LDLRAD4: variants seen among roughly 807,000 people sequenced by gnomAD.
LDLRAD4 encodes low-density lipoprotein receptor class A domain-containing protein 4.
In LDLRAD4, 5 loss-of-function variants were observed where a neutral mutation model predicts 17.0. The observed-to-expected ratio is 0.29, with a 90% CI of 0.15 to 0.62. LDLRAD4 has a LOEUF of 0.62. Ranked by LOEUF, LDLRAD4 falls within the 20% of genes least tolerant of loss-of-function variation. The pLI is 0.84. For synonymous variants in LDLRAD4, 168 were observed against 171.8 expected, an observed-to-expected ratio of 0.98 and a Z score of 0.17; for missense variants, 340 against 424.7, an observed-to-expected ratio of 0.80 and a Z score of 1.75.
intron 2 of LDLRAD4, among the ~76,000 whole-genome samples, chr18:13,429,798 C>T (rs547831997): frequency 7.6e-4 from 116 of 152,302 alleles, no homozygotes; most frequent in African/African-American, 2.6e-3. Context: ...CCGCTTCTGC[C>T]GCAGGTCGCG....
chr18:13,482,928 G>T (rs1447449681), intron 3 of LDLRAD4, among the ~76,000 whole-genome samples: 1 of 152,138 alleles, frequency 6.6e-6, no homozygotes, highest in Non-Finnish European at 1.5e-5. Context: ...ATAAATCCTA[G>T]GGAGGGGAGT....
intron 3 of LDLRAD4, among the ~76,000 whole-genome samples, chr18:13,442,506 C>T (rs1368308977): frequency 2.6e-5 from 4 of 152,156 alleles, no homozygotes; most frequent in Non-Finnish European, 5.9e-5. Flanking sequence ...GGCTGGGGCC[C>T]GCGTGGGGCA....
At chr18:13,393,474 T>C (rs1172351634) in intron 2 of LDLRAD4, among the ~76,000 whole-genome samples, 1 of 151,862 alleles carries the variant, frequency 6.6e-6, no homozygotes, top group African/African-American at 2.4e-5. Context: ...ACAAATGTTT[T>C]GGGGGTCGCC....
At chr18:13,266,886 C>A (rs1338270327) in intron 1 of LDLRAD4, among the ~76,000 whole-genome samples, 1 of 152,192 alleles carries the variant, frequency 6.6e-6, no homozygotes, top group Non-Finnish European at 1.5e-5. Flanking sequence ...AAGAGTAATA[C>A]TAAGAGTTAC....
At chr18:13,590,221 G>C (rs1225992548) in intron 3 of LDLRAD4, among the ~76,000 whole-genome samples, 1 of 151,672 alleles carries the variant, frequency 6.6e-6, no homozygotes, top group East Asian at 1.9e-4. Flanking sequence ...ATGGGAGGGT[G>C]TGTGGGTATA....
At chr18:13,254,283 C>T (rs983884084) in intron 1 of LDLRAD4, among the ~76,000 whole-genome samples, 3 of 152,154 alleles carry the variant, frequency 2.0e-5, no homozygotes, top group Admixed American at 6.5e-5. Flanking sequence ...AGTGAGGGGC[C>T]CCAGGTGGAC....
chr18:13,558,558 A>T (rs2094507623), intron 3 of LDLRAD4, among the ~76,000 whole-genome samples: 1 of 152,254 alleles, frequency 6.6e-6, no homozygotes, highest in African/African-American at 2.4e-5. Context: ...ACTTGCTGGG[A>T]TATGGGTAGC....
chr18:13,507,082 A>G (rs1013483196), intron 3 of LDLRAD4, among the ~76,000 whole-genome samples: 4 of 152,212 alleles, frequency 2.6e-5, no homozygotes, highest in Non-Finnish European at 4.4e-5. Flanking sequence ...CATTTTGGCA[A>G]TTCTTGTGAT....
intron 1 of LDLRAD4, among the ~76,000 whole-genome samples, chr18:13,370,480 G>C (rs2084378651): frequency 6.6e-6 from 1 of 152,102 alleles, no homozygotes; most frequent in African/African-American, 2.4e-5. Context: ...ATTGATTTGA[G>C]CTGACTGTGT....
chr18:13,435,860 GACA>G (rs1428119816), intron 2 of LDLRAD4, among the ~76,000 whole-genome samples: 1 of 152,248 alleles, frequency 6.6e-6, no homozygotes, highest in Non-Finnish European at 1.5e-5. Context: ...GCCTACTTAA[GACA>G]ACAAGTGATT....
chr18:13,439,657 C>T (rs1414646143), intron 3 of LDLRAD4, among the ~76,000 whole-genome samples: 1 of 152,186 alleles, frequency 6.6e-6, no homozygotes, highest in Non-Finnish European at 1.5e-5. Flanking sequence ...CCCCCAAGGC[C>T]CAGGATGGCC....
chr18:13,623,253 G>A (rs1240229611), intron 4 of LDLRAD4, among the ~76,000 whole-genome samples: 1 of 152,268 alleles, frequency 6.6e-6, no homozygotes, highest in East Asian at 1.9e-4. Flanking sequence ...AATCAGGAAG[G>A]TGACAGAGCG....
intron 1 of LDLRAD4, among the ~76,000 whole-genome samples, chr18:13,236,772 T>C (rs1370958678): frequency 3.9e-5 from 6 of 152,158 alleles, no homozygotes; most frequent in African/African-American, 1.4e-4. Flanking sequence ...TGTCGGACTT[T>C]CAGATCACAG....
chr18:13,342,910 A>G (rs2082457533), intron 1 of LDLRAD4, among the ~76,000 whole-genome samples: 1 of 151,574 alleles, frequency 6.6e-6, no homozygotes, highest in East Asian at 1.9e-4. Context: ...TGTTTTTCTT[A>G]TAGCTTTTTT....
chr18:13,552,764 T>A (rs746529578), intron 3 of LDLRAD4, among the ~76,000 whole-genome samples: 2 of 152,208 alleles, frequency 1.3e-5, no homozygotes, highest in Non-Finnish European at 2.9e-5. Flanking sequence ...TCCGTCTCCC[T>A]CTTCATGGGC....
At chr18:13,435,982 A>G (rs887230406) in intron 2 of LDLRAD4, among the ~76,000 whole-genome samples, 1 of 152,272 alleles carries the variant, frequency 6.6e-6, no homozygotes, top group Non-Finnish European at 1.5e-5. Flanking sequence ...GCAAAATGGA[A>G]TAAAATGGGA....
intron 1 of LDLRAD4, among the ~76,000 whole-genome samples, chr18:13,269,856 C>A (rs2044426459): frequency 6.6e-6 from 1 of 152,244 alleles, no homozygotes; most frequent in Non-Finnish European, 1.5e-5. Flanking sequence ...TGTCCTCCAT[C>A]CTCCCATGTG....
At chr18:13,437,612 G>A (rs913056675) in intron 2 of LDLRAD4, among the ~76,000 whole-genome samples, 1 of 152,120 alleles carries the variant, frequency 6.6e-6, no homozygotes, top group Non-Finnish European at 1.5e-5. Context: ...CACCAGCATG[G>A]CCCTTTAGCA....
chr18:13,361,847 G>C (rs2083694295), intron 1 of LDLRAD4, among the ~76,000 whole-genome samples: 1 of 152,176 alleles, frequency 6.6e-6, no homozygotes, highest in African/African-American at 2.4e-5. Flanking sequence ...GCAGGCTCAT[G>C]GTAGAGCGAC....
Sources: gnomAD v4.1 joint callset for allele counts (sites outside exome capture counted in the v4.1 genomes callset) on GRCh38, gnomAD v4.1.1 for gene constraint, MANE v1.5 for transcripts, NCBI Gene and HGNC (gene_info 2026-07-23, HGNC 2026-07-21) for gene names.